Variants in SGSM1 observed in about 807,000 individuals in gnomAD.
The protein encoded by SGSM1 is small G protein signaling modulator 1, also known as RUN and TBC1 domain containing 2.
Under a neutral mutation model 133.8 loss-of-function variants are expected in SGSM1, and 73 were observed. The ratio of observed to expected loss-of-function variants is 0.55; its 90% CI spans 0.45 to 0.66. SGSM1 has a LOEUF of 0.66. SGSM1 is among the 30% of genes least tolerant of loss of function. The probability of loss-of-function intolerance (pLI) is 0.00; values close to 1 mark genes in which losing one functional copy is unlikely to be tolerated. For missense variants in SGSM1, 1,213 were observed against 1,448.1 expected (o/e 0.84, Z 2.64); for synonymous variants, 563 against 573.0 (o/e 0.98, Z 0.25).
chr22:24,872,735 C>T (rs1372164743), intron 12 of SGSM1, among the ~76,000 whole-genome samples: 3 of 151,974 alleles, frequency 2.0e-5, no homozygotes, highest in Non-Finnish European at 2.9e-5. Flanking sequence ...CTGGCTAACA[C>T]GGTGAAACCC....
In SGSM1 at chr22:24,855,341, G is replaced by A. The variant is rs751817894; in HGVS notation, c.580G>A (p.Asp194Asn). 21 of 1,613,022 alleles carry A rather than the reference G, an allele frequency of 1.3e-5. No individual in the cohort carries two copies. The highest frequency in any genetic ancestry group is 1.2e-4 in the South Asian group (11 of 90,894). Residue 194 changes from aspartate to asparagine, a missense_variant, in exon 7 of 25, where the codon GAT (aspartate) becomes AAT (asparagine). By Grantham distance (23) the Asp-to-Asn change is conservative. Coordinates refer to ENST00000400358, the MANE Select transcript of SGSM1 (RefSeq NM_001098497.3). ...KMKTADHFWT[D>N]PSADELVQRH... ...GAAGACTGCAGATCACTTCTGGACC[G>A]ATCCCTCGGCTGACGAACTTGTCCA...
chr22:24,841,132 G>A (rs1428036725), intron 2 of SGSM1, among the ~76,000 whole-genome samples: 1 of 152,244 alleles, frequency 6.6e-6, no homozygotes, highest in African/African-American at 2.4e-5. Context: ...TTACAGGCGT[G>A]AGCCACCGTG....
chr22:24,810,682 C>G (rs1466660536), intron 2 of SGSM1, among the ~76,000 whole-genome samples: 1 of 152,074 alleles, frequency 6.6e-6, no homozygotes, highest in East Asian at 1.9e-4. Context: ...GCAGATGAGA[C>G]CCCAGGAAGG....
Position 24,877,685 on chromosome 22 carries a change from A to G in SGSM1, c.1430+970A>G, listed in dbSNP as rs116641129. 4.3e-3 allele frequency among the ~76,000 whole-genome samples: 651 copies of G among 152,030 alleles called. 5 individuals carry two copies. Among genetic ancestry groups the G allele is most frequent in the African/African-American group, 0.014 (585 of 41,466 alleles). On this transcript the variant is annotated intron_variant, in intron 13 of 24. Coordinates refer to ENST00000400358, the MANE Select transcript of SGSM1 (RefSeq NM_001098497.3). ...TGAACCAGCATCAGCACCTGGGCAA[A>G]TTCTGAGTCTCTCATCCCAAACTTC... is the stretch of plus-strand genomic sequence containing the variant.
intron 16 of SGSM1, among the ~76,000 whole-genome samples, chr22:24,892,850 C>T (rs1932837517): frequency 6.8e-6 from 1 of 146,902 alleles, no homozygotes; most frequent in Non-Finnish European, 1.5e-5. Flanking sequence ...AGATCAAGAC[C>T]ATCCTGGCCA....
chr22:24,879,575 G>C, intron 14 of SGSM1, 49 bp downstream of exon 14: 1 of 1,567,476 alleles, frequency 6.4e-7, no homozygotes, highest in Non-Finnish European at 8.7e-7. Flanking sequence ...GCAGCTATTG[G>C]TGCCTGCTGT....
chr22:24,902,361 G>A (rs1025725309), intron 20 of SGSM1, among the ~76,000 whole-genome samples: 1 of 152,116 alleles, frequency 6.6e-6, no homozygotes, highest in Non-Finnish European at 1.5e-5. Context: ...ATCTACGACT[G>A]GTTATTACTG....
Position 24,826,885 on chromosome 22 carries a change from A to T in SGSM1, c.64-18012A>T, listed in dbSNP as rs139549818. 2.0e-3 allele frequency among the ~76,000 whole-genome samples: 300 copies of T among 152,180 alleles called. 3 individuals carry two copies. The highest frequency in any genetic ancestry group is 6.9e-3 in the African/African-American group (288 of 41,514). ...CCTCGCACAGCAGCCCTATGAGGTG[A>T]TGCAGGTACCATCCCCGTTACACAG... On this transcript the variant is annotated intron_variant, in intron 2 of 24. Transcript: ENST00000400358.
In SGSM1 at chr22:24,855,053, A is replaced by G. The variant is rs1439326969; in HGVS notation, c.513A>G (p.Ala171=). The change falls in exon 6 of 25, where the codon GCA becomes GCG. Residue 171 remains alanine (A), a synonymous_variant. Coordinates refer to ENST00000400358, the MANE Select transcript of SGSM1 (RefSeq NM_001098497.3). ...ACCCTGTGGACGGCCCCATCCTTGC[A>G]TCTTTGTTGGGTAAGTTGTCCTGTG... ...LMDPVDGPIL[A]SLLVGPCALE... is the part of the protein sequence containing the mutation. 6.2e-7 allele frequency: 1 copy of G among 1,613,008 alleles called. No homozygotes were observed. The highest frequency in any genetic ancestry group is 8.5e-7 in the Non-Finnish European group (1 of 1,179,566).
chr22:24,858,818 A>G (rs1930961567), intron 8 of SGSM1, among the ~76,000 whole-genome samples: 1 of 152,198 alleles, frequency 6.6e-6, no homozygotes, highest in South Asian at 2.1e-4. Context: ...TTTTGAAGAC[A>G]TGTAAAATAG....
At chr22:24,903,188 T>C (rs1203555782) in intron 20 of SGSM1, among the ~76,000 whole-genome samples, 1 of 152,092 alleles carries the variant, frequency 6.6e-6, no homozygotes, top group Non-Finnish European at 1.5e-5. Context: ...TTGTATATTG[T>C]ATAACATAAT....
intron 14 of SGSM1, among the ~76,000 whole-genome samples, chr22:24,881,484 T>C (rs1569160989): frequency 6.6e-6 from 1 of 151,248 alleles, no homozygotes; most frequent in East Asian, 1.9e-4. Flanking sequence ...GAGAATGGCA[T>C]AAACCTGGGA....
rs139699 is a variant in SGSM1 at position 24,858,635 on chromosome 22, CAAAA to C, written c.802-1063_802-1060del. Among the ~76,000 whole-genome samples, 30 of 83,028 alleles carry C rather than the reference CAAAA, an allele frequency of 3.6e-4. 1 individual carries two copies. Among genetic ancestry groups the C allele is most frequent in the African/African-American group, 9.7e-4 (27 of 27,956 alleles). 54.5% of individuals were successfully genotyped at this position (83,028 alleles called of 152,430 possible). ...TTGGCAACAGAGCGAGACTCCATCT[CAAAA>C]AAAAAAAAAAAAAAAAAGAAGAAAG... is the stretch of plus-strand genomic sequence containing the variant. On this transcript the variant is annotated intron_variant, in intron 8 of 24. Transcript: ENST00000400358.
intron 24 of SGSM1, among the ~76,000 whole-genome samples, chr22:24,921,830 G>T (rs1379115038): frequency 2.0e-5 from 3 of 151,766 alleles, no homozygotes; most frequent in Admixed American, 1.3e-4. Flanking sequence ...CTCCTGAGTA[G>T]CTGGGATTAC....
chr22:24,913,292 CAAAAAAA>C (rs35021919), intron 22 of SGSM1, among the ~76,000 whole-genome samples: 5 of 96,954 alleles, frequency 5.2e-5, no homozygotes, highest in East Asian at 2.5e-4. Flanking sequence ...GACTCCATCT[CAAAAAAA>C]AAAAAAAAAA....
At position 24,855,612 on chromosome 22, in the gene SGSM1, G is replaced by A. The variant is rs768586256; in HGVS notation, c.733G>A (p.Val245Met). 3.7e-6 allele frequency: 6 copies of A among 1,613,822 alleles called. No homozygotes were observed. The highest frequency in any genetic ancestry group is 2.7e-5 in the African/African-American group (2 of 74,902). ...GCCATCCCTCTCTGCCCGCGACTACGTGGAGTCCCTGCATCAGAACTCCCG... is the reference window on the plus strand; with the variant it reads ...GCCATCCCTCTCTGCCCGCGACTACATGGAGTCCCTGCATCAGAACTCCCG... ...DRPSLSARDY[V>M]ESLHQNSRAT... The change falls in exon 8 of 25, where the codon GTG becomes ATG. Residue 245 changes from valine (V) to methionine (M), a missense_variant. Physicochemically the swap from Val to Met is conservative, Grantham distance 21 (BLOSUM62 1). Transcript: ENST00000400358.
In SGSM1 at chr22:24,886,582, C is replaced by T; in HGVS notation, c.1642-18C>T. 1 of 1,551,028 alleles carries T rather than the reference C, an allele frequency of 6.4e-7. No homozygotes were observed. The highest frequency in any genetic ancestry group is 8.7e-7 in the Non-Finnish European group (1 of 1,146,442). ...TTTTCTGTTGACCAAACTCTTTGCT[C>T]CTCTCCACCCACCACAGAGTTACGA... is the stretch of plus-strand genomic sequence containing the variant. On this transcript the variant is annotated intron_variant, in intron 15 of 24. Transcript: ENST00000400358.
At chr22:24,809,865 C>T (rs921530377) in intron 2 of SGSM1, among the ~76,000 whole-genome samples, 1 of 152,196 alleles carries the variant, frequency 6.6e-6, no homozygotes, top group Admixed American at 6.5e-5. Flanking sequence ...AAAACAGGGA[C>T]AACTGACCAT....
At position 24,876,617 on chromosome 22, in the gene SGSM1, A is replaced by G; in HGVS notation, c.1332A>G (p.Pro444=). 1 of 1,613,862 alleles carries G rather than the reference A, an allele frequency of 6.2e-7. No individual in the cohort carries two copies. The highest frequency in any genetic ancestry group is 8.5e-7 in the Non-Finnish European group (1 of 1,179,860). ...TGGACGTCTCTGTAAGCAACCTCCC[A>G]TCCCTGTGGCAGCCCAGTCCCCGGA... is the stretch of plus-strand genomic sequence containing the variant. ...DLMDVSVSNL[P]SLWQPSPRKS... Residue 444 remains proline (P), a synonymous_variant, in exon 13 of 25, where the codon CCA becomes CCG. Coordinates refer to ENST00000400358, the MANE Select transcript of SGSM1 (RefSeq NM_001098497.3).
Sources: gnomAD v4.1 joint callset for allele counts (sites outside exome capture counted in the v4.1 genomes callset) on GRCh38, gnomAD v4.1.1 for gene constraint, MANE v1.5 for transcripts, NCBI Gene and HGNC (gene_info 2026-07-23, HGNC 2026-07-21) for gene names.